Variants in SAMD12 observed in about 807,000 individuals in gnomAD.
SAMD12 encodes sterile alpha motif domain containing 12.
Under a neutral mutation model 15.0 loss-of-function variants are expected in SAMD12, and 9 were observed. The observed-to-expected ratio is 0.60, with a 90% confidence interval of 0.36 to 1.05. The LOEUF (loss-of-function observed/expected upper bound fraction) is 1.05, where lower values mean the gene tolerates loss of function less well. Among genes scored for constraint, SAMD12 ranks in the 50% least tolerant of loss-of-function variants. The pLI, the probability that SAMD12 is intolerant of heterozygous loss-of-function variation, is 0.01. For synonymous variants in SAMD12, 86 were observed against 90.1 expected, an observed-to-expected ratio of 0.96 and a Z score of 0.25; for missense variants, 230 against 234.2, an observed-to-expected ratio of 0.98 and a Z score of 0.12.
exon 5 of SAMD12, chr8:118,190,623 G>C (rs1251920516): frequency 6.6e-6 from 1 of 152,090 alleles, no homozygotes; most frequent in Non-Finnish European, 1.5e-5. Flanking sequence ...GCTCTACAGA[G>C]AAAGCCTCAA....
downstream of SAMD12, among the ~76,000 whole-genome samples, chr8:118,188,855 T>C (rs1157085422): frequency 6.6e-6 from 1 of 152,184 alleles, no homozygotes; most frequent in Non-Finnish European, 1.5e-5. Flanking sequence ...TTTGCCGCAC[T>C]AGAGGCTGGC....
At position 118,402,344 on chromosome 8, in the gene SAMD12, C is replaced by A. The variant is rs545317669; in HGVS notation, c.323-22644G>T. ...AAAAAAGAACATTTAAGGAGCAGAG[C>A]CCTTAATAAAAGGCAAGATCGAAGT... On this transcript the variant is annotated intron_variant, in intron 3 of 3. Transcript: ENST00000314727. 1.6e-4 allele frequency among the ~76,000 whole-genome samples: 25 copies of A among 152,154 alleles called. No homozygotes were observed. The South Asian group carries it at 4.6e-3, about 28-fold the overall frequency.
chr8:118,374,674 C>A (rs1819287150), downstream of SAMD12, among the ~76,000 whole-genome samples: 1 of 152,044 alleles, frequency 6.6e-6, no homozygotes, highest in African/African-American at 2.4e-5. Context: ...AGTGGCCATT[C>A]TAATGGGTGT....
At chr8:118,554,931 A>C (rs1181179363) in intron 2 of SAMD12, among the ~76,000 whole-genome samples, 2 of 152,132 alleles carry the variant, frequency 1.3e-5, no homozygotes, top group African/African-American at 4.8e-5. Flanking sequence ...TTTCAATAGA[A>C]AGACAGATTT....
At chr8:118,344,507 G>A (rs959318323) in intron 4 of SAMD12, among the ~76,000 whole-genome samples, 1 of 152,224 alleles carries the variant, frequency 6.6e-6, no homozygotes, top group Non-Finnish European at 1.5e-5. Flanking sequence ...AACATGGCTA[G>A]TAAACTGCAG....
intron 3 of SAMD12, among the ~76,000 whole-genome samples, chr8:118,419,004 A>G (rs962705548): frequency 6.6e-6 from 1 of 152,198 alleles, no homozygotes; most frequent in Non-Finnish European, 1.5e-5. Context: ...TTAATAAGGA[A>G]TGACTATGCC....
chr8:118,134,385 A>G, the SAMD12 span, among the ~76,000 whole-genome samples: 52 of 152,378 alleles, frequency 3.4e-4, no homozygotes, highest in East Asian at 5.8e-3. Context: ...CTGGTCTCCA[A>G]TGACAAATTC....
intron 2 of SAMD12, among the ~76,000 whole-genome samples, chr8:118,549,649 T>C (rs1826257988): frequency 6.6e-6 from 1 of 152,304 alleles, no homozygotes; most frequent in Middle Eastern, 3.4e-3. Context: ...GGAACGCAGT[T>C]CCTCACCAGC....
chr8:118,486,324 G>A lies in SAMD12; in HGVS notation c.193-46363C>T, dbSNP rs1279578210. Among the ~76,000 whole-genome samples, 4 of 152,090 alleles carry A rather than the reference G, an allele frequency of 2.6e-5. No individual in the cohort carries two copies. In the South Asian group the frequency reaches 8.3e-4, roughly 32 times the overall value. ...CCAGCTACTCGGGAGGCTGAGGCAG[G>A]AGAATGGCGTGAACCTGGGAGGTAG... On this transcript the variant is annotated intron_variant, in intron 2 of 3. Transcript: ENST00000314727.
At chr8:118,446,913 A>G (rs554285036) in intron 2 of SAMD12, among the ~76,000 whole-genome samples, 52 of 152,300 alleles carry the variant, frequency 3.4e-4, no homozygotes, top group African/African-American at 1.2e-3. Flanking sequence ...ATATATACAT[A>G]TGCAACTGAT....
intron 1 of SAMD12, among the ~76,000 whole-genome samples, chr8:118,586,344 CT>C (rs869191799): frequency 0.11 from 15,703 of 139,732 alleles, 863 homozygotes; most frequent in African/African-American, 0.19. Flanking sequence ...CTTTTTCTTT[CT>C]TTTTTTTTTT....
At chr8:118,457,394 A>AT (rs553057937) in intron 2 of SAMD12, among the ~76,000 whole-genome samples, 7,735 of 142,156 alleles carry the variant, frequency 0.054, 233 homozygotes, top group African/African-American at 0.093. Context: ...CAACACCCAG[A>AT]TTTTTTTTTT....
At chr8:118,589,200 G>A (rs751299046) in intron 1 of SAMD12, among the ~76,000 whole-genome samples, 11 of 152,136 alleles carry the variant, frequency 7.2e-5, no homozygotes, top group Admixed American at 3.3e-4. Context: ...CACAAAACTC[G>A]TGCTATTGTC....
intron 3 of SAMD12, among the ~76,000 whole-genome samples, chr8:118,384,655 G>C (rs1050875586): frequency 6.6e-6 from 1 of 152,206 alleles, no homozygotes; most frequent in Admixed American, 6.5e-5. Flanking sequence ...TGCATTGGAA[G>C]GAGGAAATCC....
chr8:118,331,541 A>G (rs967883162), intron 4 of SAMD12, among the ~76,000 whole-genome samples: 1 of 152,206 alleles, frequency 6.6e-6, no homozygotes, highest in Non-Finnish European at 1.5e-5. Flanking sequence ...GGATTCCTAA[A>G]TTCTTTTATC....
Position 118,461,599 on chromosome 8 carries a change from A to G in SAMD12, c.193-21638T>C, listed in dbSNP as rs574610786. Among the ~76,000 whole-genome samples, 4 of 152,270 alleles carry G rather than the reference A, an allele frequency of 2.6e-5. No homozygotes were observed. The South Asian group carries it at 8.3e-4, about 32-fold the overall frequency. ...ATGTACATACGTAAAATAGTTTTCT[A>G]TGAGTCCAGGCCATCTATAAATACG... is the stretch of plus-strand genomic sequence containing the variant. On this transcript the variant is annotated intron_variant, in intron 2 of 3. Coordinates refer to ENST00000314727, the MANE Select transcript of SAMD12 (RefSeq NM_207506.3).
the SAMD12 span, among the ~76,000 whole-genome samples, chr8:118,150,851 A>C: frequency 6.6e-6 from 1 of 152,000 alleles, no homozygotes; most frequent in African/African-American, 2.4e-5. Context: ...TTAGCTCTAT[A>C]TACATCTGAA....
intron 2 of SAMD12, among the ~76,000 whole-genome samples, chr8:118,550,024 T>C (rs1468750388): frequency 6.6e-6 from 1 of 152,122 alleles, no homozygotes; most frequent in South Asian, 2.1e-4. Context: ...AATATGGGAC[T>C]ATGTGAAAAG....
chr8:118,293,300 T>C (rs965801865), intron 4 of SAMD12, among the ~76,000 whole-genome samples: 1 of 152,098 alleles, frequency 6.6e-6, no homozygotes. Flanking sequence ...AAATAGTGAG[T>C]GTAAAGTGTT....
Sources: gnomAD v4.1 joint callset for allele counts (sites outside exome capture counted in the v4.1 genomes callset) on GRCh38, gnomAD v4.1.1 for gene constraint, MANE v1.5 for transcripts, NCBI Gene and HGNC (gene_info 2026-07-23, HGNC 2026-07-21) for gene names.